The following STK40 variants were observed in gnomAD, a reference collection of about 807,000 sequenced individuals.
STK40 encodes serine/threonine-protein kinase 40.
STK40 carries 13 observed loss-of-function variants against 47.9 expected under a neutral mutation model. The observed-to-expected ratio is 0.27, with a 90% CI of 0.18 to 0.43. STK40 has a LOEUF of 0.43. Among genes scored for constraint, STK40 ranks in the 20% least tolerant of loss-of-function variants. STK40 has a pLI of 1.00. For synonymous variants in STK40, 225 were observed against 243.2 expected (o/e 0.93, Z 0.69); for missense variants, 460 against 595.1 (o/e 0.77, Z 2.36).
At chr1:36,368,562 A>AT (rs1036982034) in intron 1 of STK40, among the ~76,000 whole-genome samples, 73 of 151,688 alleles carry the variant, frequency 4.8e-4, no homozygotes, top group African/African-American at 1.5e-3. Context: ...TACTCATGCT[A>AT]TTTTTTTTTC....
chr1:36,356,669 C>T (rs1433028198), intron 4 of STK40, among the ~76,000 whole-genome samples: 2 of 152,192 alleles, frequency 1.3e-5, no homozygotes, highest in African/African-American at 2.4e-5. Flanking sequence ...TCATGATCCG[C>T]CCGCCTTAGC....
At chr1:36,356,288 T>G (rs986496961) in intron 4 of STK40, among the ~76,000 whole-genome samples, 1 of 152,156 alleles carries the variant, frequency 6.6e-6, no homozygotes, top group Non-Finnish European at 1.5e-5. Flanking sequence ...TGAAAGGTAT[T>G]TCGAGTAAGA....
At chr1:36,353,875 A>T (rs917830720) in intron 6 of STK40, among the ~76,000 whole-genome samples, 2 of 152,032 alleles carry the variant, frequency 1.3e-5, no homozygotes, top group African/African-American at 4.8e-5. Flanking sequence ...GAGGAAATTG[A>T]CCTATGGCAA....
intron 2 of STK40, 39 bp from the exon 3 acceptor site, chr1:36,358,861 C>T: frequency 6.2e-7 from 1 of 1,613,492 alleles, no homozygotes; most frequent in Non-Finnish European, 8.5e-7. Context: ...TTTCAGAAGC[C>T]CTGGCTGTCA....
Position 36,340,124 on chromosome 1 carries a change from A to T in STK40, c.*1631T>A, listed in dbSNP as rs1646631737. 1 of 152,758 alleles carries T rather than the reference A, an allele frequency of 6.5e-6. No homozygotes were observed. Among genetic ancestry groups the T allele is most frequent in the South Asian group, 2.1e-4 (1 of 4,834 alleles). The allele number at this position is 152,758 out of a possible 1,614,324, so 9.5% of individuals were successfully genotyped here. A position where few individuals can be genotyped will look rare whatever the true frequency, so the allele number is the denominator to read the frequency against. On this transcript the variant is annotated 3_prime_UTR_variant, in exon 11 of 11. Transcript: ENST00000373132. ...ACAAGACCCTGGCCCTCAGCGCTGG[A>T]CAGCTGAGACAGACGCAGGCTCGCT... is the stretch of plus-strand genomic sequence containing the variant.
intron 7 of STK40, among the ~76,000 whole-genome samples, chr1:36,345,991 A>ATATATATATATATTT: frequency 3.8e-5 from 1 of 26,466 alleles, no homozygotes; most frequent in African/African-American, 1.4e-4. Context: ...ATATATATAT[A>ATATATATATATATTT]TTTTTTTTTT....
chr1:36,358,111 G>C, intron 4 of STK40, 128 bp downstream of exon 4: 3 of 1,210,276 alleles, frequency 2.5e-6, no homozygotes, highest in Non-Finnish European at 2.2e-6. Context: ...TGGAAGTCCT[G>C]ATGTACCTAG....
At chr1:36,351,645 T>G (rs891209289) in intron 6 of STK40, among the ~76,000 whole-genome samples, 2 of 152,206 alleles carry the variant, frequency 1.3e-5, no homozygotes, top group Admixed American at 6.5e-5. Context: ...ATTGGCATTC[T>G]GCACCCTGAG....
chr1:36,383,640 C>T (rs1458839026), intron 1 of STK40, among the ~76,000 whole-genome samples: 1 of 152,186 alleles, frequency 6.6e-6, no homozygotes, highest in Non-Finnish European at 1.5e-5. Flanking sequence ...AATATGTAAC[C>T]AATCATGTCA....
intron 1 of STK40, among the ~76,000 whole-genome samples, chr1:36,378,416 A>G (rs563889188): frequency 6.6e-6 from 1 of 152,170 alleles, no homozygotes; most frequent in East Asian, 1.9e-4. Context: ...CTTAGATTCA[A>G]TAACGTATTG....
intron 9 of STK40, 101 bp from the exon 10 acceptor site, chr1:36,343,549 G>A (rs1443149545): frequency 1.8e-5 from 21 of 1,152,856 alleles, no homozygotes; most frequent in Non-Finnish European, 2.6e-5. Flanking sequence ...TTCCTGCCAT[G>A]AGAGACTGCT....
chr1:36,381,355 G>C (rs1424755502), intron 1 of STK40, among the ~76,000 whole-genome samples: 1 of 152,152 alleles, frequency 6.6e-6, no homozygotes, highest in Non-Finnish European at 1.5e-5. Flanking sequence ...CACACTCTGG[G>C]CTAGAACTCC....
intron 6 of STK40, among the ~76,000 whole-genome samples, chr1:36,350,523 C>T (rs1185159581): frequency 2.0e-5 from 3 of 152,218 alleles, no homozygotes; most frequent in Admixed American, 2.0e-4. Flanking sequence ...GAATCTCTTG[C>T]TAAACCTCAA....
intron 1 of STK40, among the ~76,000 whole-genome samples, chr1:36,379,692 T>A (rs1184053850): frequency 6.6e-6 from 1 of 152,108 alleles, no homozygotes; most frequent in Non-Finnish European, 1.5e-5. Flanking sequence ...GGTTGTAGCC[T>A]CTTTAGGGAG....
rs1354084710 is a variant in STK40 at position 36,375,637 on chromosome 1, TCAC to T, written c.-9+10083_-9+10085del. ...TTTATACTGTTTTCAACAGCAAAAATCACCACAATTATCCTGTGAGAAAGGCAG... is the reference window on the plus strand; with the variant it reads ...TTTATACTGTTTTCAACAGCAAAAATCACAATTATCCTGTGAGAAAGGCAG... On this transcript the variant is annotated intron_variant, in intron 1 of 10. Transcript: ENST00000373132. 1.2e-4 allele frequency among the ~76,000 whole-genome samples: 18 copies of T among 152,280 alleles called. No individual in the cohort carries two copies. The South Asian group carries it at 2.1e-3, about 18-fold the overall frequency.
chr1:36,381,954 C>A (rs192894626), intron 1 of STK40, among the ~76,000 whole-genome samples: 270 of 152,256 alleles, frequency 1.8e-3, no homozygotes, highest in Non-Finnish European at 2.9e-3. Context: ...TAGATCACAA[C>A]CTCCTCCATG....
At chr1:36,355,840 G>T (rs1353797684) in intron 4 of STK40, among the ~76,000 whole-genome samples, 1 of 152,182 alleles carries the variant, frequency 6.6e-6, no homozygotes, top group Non-Finnish European at 1.5e-5. Flanking sequence ...ATCTAAGATG[G>T]CGGAAGTTAG....
At chr1:36,356,034 C>T (rs1038269586) in intron 4 of STK40, among the ~76,000 whole-genome samples, 1 of 152,054 alleles carries the variant, frequency 6.6e-6, no homozygotes, top group Admixed American at 6.6e-5. Context: ...GGGTTCAGGC[C>T]CCAGCCACCT....
At chr1:36,345,983 A>ATTTT in intron 7 of STK40, among the ~76,000 whole-genome samples, 1 of 9,720 alleles carries the variant, frequency 1.0e-4, no homozygotes, top group Non-Finnish European at 4.0e-4. Context: ...ATATATATAT[A>ATTTT]TATATATATT....
Sources: gnomAD v4.1 joint callset for allele counts (sites outside exome capture counted in the v4.1 genomes callset) on GRCh38, gnomAD v4.1.1 for gene constraint, MANE v1.5 for transcripts, NCBI Gene and HGNC (gene_info 2026-07-23, HGNC 2026-07-21) for gene names.